The following MYO16 variants were observed in gnomAD, a reference collection of about 807,000 sequenced individuals.
MYO16 encodes the protein myosin XVI.
A neutral mutation model predicts 205.3 loss-of-function variants in MYO16; 94 were observed. The ratio of observed to expected loss-of-function variants is 0.46; its 90% confidence interval spans 0.39 to 0.54. The LOEUF (loss-of-function observed/expected upper bound fraction) is 0.54, where lower values mean the gene tolerates loss of function less well. MYO16 is among the 20% of genes least tolerant of loss of function. MYO16 has a pLI of 0.00. For synonymous variants in MYO16, 988 were observed against 954.0 expected (o/e 1.04, Z -0.66); for missense variants, 2,315 against 2,387.5 (o/e 0.97, Z 0.63).
intron 1 of MYO16, among the ~76,000 whole-genome samples, chr13:108,635,096 T>C (rs1280474363): frequency 1.3e-5 from 2 of 152,218 alleles, no homozygotes; most frequent in African/African-American, 4.8e-5. Context: ...TTTTGGCTTA[T>C]AGGAATATTG....
chr13:108,696,960 C>T (rs1027957623), intron 2 of MYO16, among the ~76,000 whole-genome samples: 31 of 137,378 alleles, frequency 2.3e-4, no homozygotes, highest in African/African-American at 8.0e-4. Context: ...TTTTAACTCA[C>T]GGATGAATTC....
chr13:109,048,702 G>A (rs1594501175), intron 24 of MYO16: 1 of 190,958 alleles, frequency 5.2e-6, no homozygotes, highest in Non-Finnish European at 1.1e-5. Flanking sequence ...TTTATTAAAA[G>A]CAAGTGTAAT....
At chr13:108,623,888 G>A (rs1879630510) in intron 1 of MYO16, among the ~76,000 whole-genome samples, 1 of 151,932 alleles carries the variant, frequency 6.6e-6, no homozygotes, top group African/African-American at 2.4e-5. Context: ...GGATTGACTG[G>A]TACATGAAAA....
chr13:108,679,924 C>T (rs1882390868), intron 2 of MYO16, among the ~76,000 whole-genome samples: 1 of 152,044 alleles, frequency 6.6e-6, no homozygotes, highest in Non-Finnish European at 1.5e-5. Flanking sequence ...TAGGCTCATT[C>T]AGCTCCTCAA....
At chr13:108,866,074 T>A in intron 11 of MYO16, 103 bp from the exon 12 acceptor site, 3 of 721,560 alleles carry the variant, frequency 4.2e-6, no homozygotes, top group Non-Finnish European at 6.1e-6. Flanking sequence ...GATTTTTTCT[T>A]ATTATTTATA....
intron 4 of MYO16, among the ~76,000 whole-genome samples, chr13:108,763,436 G>A (rs918567717): frequency 3.3e-5 from 5 of 152,294 alleles, no homozygotes; most frequent in Admixed American, 2.0e-4. Flanking sequence ...TGCAGGTTCC[G>A]TCCTTGCAAG....
At chr13:109,171,589 A>T (rs1333485708) in intron 33 of MYO16, among the ~76,000 whole-genome samples, 2 of 152,132 alleles carry the variant, frequency 1.3e-5, no homozygotes, top group African/African-American at 4.8e-5. Flanking sequence ...GCAGACTTGG[A>T]TCTTTTTTTT....
chr13:108,762,364 G>T (rs535433511), intron 4 of MYO16, among the ~76,000 whole-genome samples: 2 of 152,284 alleles, frequency 1.3e-5, no homozygotes, highest in Non-Finnish European at 1.5e-5. Flanking sequence ...ATACCAAGTA[G>T]TGGGATTTTT....
At chr13:108,985,102 A>T (rs1238632002) in intron 20 of MYO16, among the ~76,000 whole-genome samples, 1 of 152,198 alleles carries the variant, frequency 6.6e-6, no homozygotes, top group Non-Finnish European at 1.5e-5. Flanking sequence ...ATACAGACTC[A>T]TTTTTTTAAA....
rs1490108635 is a variant in MYO16, at chr13:108,629,643, G to T, written c.-202G>T. The T allele has an allele frequency of 3.8e-6, 2 of 527,378 alleles. No individual in the cohort carries two copies. Among genetic ancestry groups the T allele is most frequent in the Admixed American group, 5.9e-5 (2 of 34,128 alleles). 32.7% of individuals were successfully genotyped at this position (527,378 alleles called of 1,614,324 possible). A position where few individuals can be genotyped will look rare whatever the true frequency, so the allele number is the denominator to read the frequency against. On this transcript the variant is annotated 5_prime_UTR_variant, in exon 1 of 35. Transcript: ENST00000457511. ...GTGCCTCAAGACCCACCGGGGAGAG[G>T]CTTATCTTAACTCCAGCTGCCGAAT... is the stretch of plus-strand genomic sequence containing the variant.
At chr13:109,164,603 C>G (rs1878551408) in intron 32 of MYO16, among the ~76,000 whole-genome samples, 1 of 152,114 alleles carries the variant, frequency 6.6e-6, no homozygotes, top group South Asian at 2.1e-4. Flanking sequence ...TCATTGCTTT[C>G]TCATGACAGG....
intron 2 of MYO16, among the ~76,000 whole-genome samples, chr13:108,682,513 T>C (rs1003712094): frequency 6.6e-6 from 1 of 151,946 alleles, no homozygotes; most frequent in Non-Finnish European, 1.5e-5. Flanking sequence ...TCAATCAAGA[T>C]TGCAAACCAT....
chr13:109,134,286 G>A (rs935776538), intron 31 of MYO16, among the ~76,000 whole-genome samples: 2 of 152,084 alleles, frequency 1.3e-5, no homozygotes, highest in African/African-American at 4.8e-5. Flanking sequence ...CAACAAACAT[G>A]CTACTTTTAT....
At position 108,972,954 on chromosome 13, in the gene MYO16, G is replaced by C. The variant is rs553134727; in HGVS notation, c.2369+8052G>C. On this transcript the variant is annotated intron_variant, in intron 20 of 34. Coordinates refer to ENST00000457511, the MANE Select transcript of MYO16 (RefSeq NM_001198950.3). ...GGGCTCACGCAGTGCCTGAACGAAGGAACTGGCATGCTGAGATGGGGAAGA... is the reference window on the plus strand; with the variant it reads ...GGGCTCACGCAGTGCCTGAACGAAGCAACTGGCATGCTGAGATGGGGAAGA... Among the ~76,000 whole-genome samples the C allele has an allele frequency of 3.3e-5, 5 of 152,040 alleles. No homozygotes were observed. In the East Asian group the frequency reaches 9.7e-4, roughly 29 times the overall value.
intron 28 of MYO16, among the ~76,000 whole-genome samples, chr13:109,104,822 A>G (rs1053594762): frequency 3.3e-5 from 5 of 152,092 alleles, no homozygotes; most frequent in African/African-American, 1.2e-4. Context: ...TCACGTGCCA[A>G]TTCTCAGCGA....
At chr13:108,920,287 T>G (rs1043455879) in intron 16 of MYO16, among the ~76,000 whole-genome samples, 5 of 149,694 alleles carry the variant, frequency 3.3e-5, no homozygotes, top group African/African-American at 1.3e-4. Flanking sequence ...TTTTTTTCTC[T>G]TTCTCTTTCT....
chr13:109,200,404 T>C (rs1880350532), intron 34 of MYO16, among the ~76,000 whole-genome samples: 1 of 152,200 alleles, frequency 6.6e-6, no homozygotes, highest in African/African-American at 2.4e-5. Flanking sequence ...ATTCTGAATG[T>C]TAATTGGTTA....
chr13:108,798,575 A>G (rs4414343), intron 6 of MYO16, among the ~76,000 whole-genome samples: 61,779 of 151,852 alleles, frequency 0.41, 12,760 homozygotes, highest in Middle Eastern at 0.5. Flanking sequence ...TTGAGAATAT[A>G]GTCTTTGAAA....
At chr13:108,728,567 A>T (rs575345755) in intron 4 of MYO16, among the ~76,000 whole-genome samples, 7 of 152,256 alleles carry the variant, frequency 4.6e-5, no homozygotes, top group Non-Finnish European at 7.4e-5. Context: ...CTTCCTAGTT[A>T]CAGTGACCCC....
Sources: allele counts gnomAD v4.1 joint callset (sites outside exome capture counted in the v4.1 genomes callset), GRCh38; gene constraint gnomAD v4.1.1; transcripts MANE v1.5; gene names NCBI Gene and HGNC (gene_info 2026-07-23, HGNC 2026-07-21).